The following WDR44 variants were observed in gnomAD, a reference collection of about 807,000 sequenced individuals.
The protein encoded by WDR44 is WD repeat-containing protein 44.
Under a neutral mutation model 65.7 loss-of-function variants are expected in WDR44, and 9 were observed. The ratio of observed to expected loss-of-function variants is 0.14; its 90% CI spans 0.08 to 0.24. The LOEUF (loss-of-function observed/expected upper bound fraction) is 0.24, where lower values mean the gene tolerates loss of function less well. Ranked by LOEUF, WDR44 falls within the 10% of genes least tolerant of loss-of-function variation. The probability of loss-of-function intolerance (pLI) is 1.00; values close to 1 mark genes in which losing one functional copy is unlikely to be tolerated. For missense variants in WDR44, 425 were observed against 670.9 expected (o/e 0.63, Z 4.05); for synonymous variants, 220 against 235.2 (o/e 0.94, Z 0.59).
chrX:118,391,161 A>T (rs1164966895), intron 3 of WDR44, among the ~76,000 whole-genome samples: 2 of 112,199 alleles, frequency 1.8e-5, no homozygotes, highest in African/African-American at 3.2e-5. Flanking sequence ...GGGTCACTTT[A>T]TCGAAGTCTT....
chrX:118,445,103 G>A, intron 19 of WDR44: 1 of 262,824 alleles, frequency 3.8e-6, no homozygotes, highest in South Asian at 3.7e-5. Context: ...AGACCATCCT[G>A]GCTAACACGG....
intron 19 of WDR44, chrX:118,445,112 G>A (rs955065438): frequency 3.2e-5 from 8 of 253,180 alleles, no homozygotes; most frequent in Non-Finnish European, 5.2e-5. Context: ...TGGCTAACAC[G>A]GTGAAACCCC....
chrX:118,349,981 G>A (rs2056390835), intron 1 of WDR44, among the ~76,000 whole-genome samples: 1 of 108,357 alleles, frequency 9.2e-6, no homozygotes, highest in Non-Finnish European at 1.9e-5. Context: ...TGTGGAGGGC[G>A]ATGAGAGCAG....
intron 12 of WDR44, among the ~76,000 whole-genome samples, chrX:118,428,965 C>T (rs774232946): frequency 5.4e-4 from 60 of 111,069 alleles, no homozygotes; most frequent in African/African-American, 1.8e-3. Context: ...GAAAACCAAA[C>T]ACCACATGTT....
At chrX:118,432,596 T>G (rs1280528929) in intron 12 of WDR44, among the ~76,000 whole-genome samples, 185 bp from the exon 13 acceptor site, 1 of 111,821 alleles carries the variant, frequency 8.9e-6, no homozygotes, top group African/African-American at 3.2e-5. Flanking sequence ...GACCCTGGTT[T>G]GTTAGGGCAA....
chrX:118,416,681 T>C (rs1177811483), intron 12 of WDR44, among the ~76,000 whole-genome samples: 1 of 111,964 alleles, frequency 8.9e-6, no homozygotes, highest in Non-Finnish European at 1.9e-5. Flanking sequence ...TGGAATGTTC[T>C]GTATATATAT....
At chrX:118,401,376 A>G (rs1244727088) in intron 8 of WDR44, among the ~76,000 whole-genome samples, 1 of 63,927 alleles carries the variant, frequency 1.6e-5, no homozygotes, top group Admixed American at 2.3e-4. Flanking sequence ...CTGGTGTGAG[A>G]TGATATCTCA....
chrX:118,409,471 C>T lies in WDR44; in HGVS notation c.1534-18C>T. The stretch of plus-strand genomic sequence containing the variant: ...AAGGTGTAAAGTATTAACTTTGAAA[C>T]TTCTTTTGTTTTCATAGGGAGCTGT... On this transcript the variant is annotated intron_variant, in intron 10 of 19. Transcript: ENST00000254029. The T allele has an allele frequency of 2.5e-6, 3 of 1,204,850 alleles. No homozygotes were observed. The highest frequency in any genetic ancestry group is 3.4e-6 in the Non-Finnish European group (3 of 892,927).
chrX:118,420,642 C>G (rs2057097128), intron 12 of WDR44, among the ~76,000 whole-genome samples: 1 of 111,869 alleles, frequency 8.9e-6, no homozygotes, highest in Non-Finnish European at 1.9e-5. Context: ...GACTCAGTTC[C>G]AATTCCCTAG....
At chrX:118,427,698 T>C (rs1398268296) in intron 12 of WDR44, among the ~76,000 whole-genome samples, 1 of 104,083 alleles carries the variant, frequency 9.6e-6, no homozygotes, top group Non-Finnish European at 2.0e-5. Context: ...TTTTTTTTTT[T>C]TCTTTTCGCT....
intron 14 of WDR44, among the ~76,000 whole-genome samples, chrX:118,438,066 A>G (rs1412597968): frequency 9.1e-6 from 1 of 110,362 alleles, no homozygotes; most frequent in Non-Finnish European, 1.9e-5. Context: ...CTTGGTTAAG[A>G]ATTTTGGTGG....
At chrX:118,378,523 T>C (rs902991464) in intron 2 of WDR44, 71 bp downstream of exon 2, 102 of 1,057,255 alleles carry the variant, frequency 9.6e-5, no homozygotes, top group Non-Finnish European at 1.3e-4. Context: ...TGTGTAATTC[T>C]TCATTTTCTT....
At chrX:118,392,391 G>T (rs762589241) in intron 3 of WDR44, among the ~76,000 whole-genome samples, 1 of 112,013 alleles carries the variant, frequency 8.9e-6, no homozygotes, top group Non-Finnish European at 1.9e-5. Flanking sequence ...AACTCCCTGG[G>T]TTTATACCTG....
intron 2 of WDR44, among the ~76,000 whole-genome samples, chrX:118,379,350 A>G (rs2056694128): frequency 9.0e-6 from 1 of 111,384 alleles, no homozygotes; most frequent in Non-Finnish European, 1.9e-5. Context: ...GTTTATACAC[A>G]TTGGATACCA....
chrX:118,376,304 A>C (rs1602887378), intron 1 of WDR44, among the ~76,000 whole-genome samples: 1 of 111,798 alleles, frequency 8.9e-6, no homozygotes, highest in East Asian at 2.8e-4. Context: ...TAACAAATTA[A>C]GTTTTTATTA....
intron 12 of WDR44, among the ~76,000 whole-genome samples, chrX:118,411,165 C>CTAT (rs971910872): frequency 2.7e-5 from 3 of 111,005 alleles, no homozygotes; most frequent in Non-Finnish European, 5.7e-5. Context: ...ACAGTGAATA[C>CTAT]TATTGCTCAG....
intron 12 of WDR44, among the ~76,000 whole-genome samples, chrX:118,423,884 T>C (rs775393951): frequency 1.8e-5 from 2 of 112,079 alleles, no homozygotes; most frequent in Non-Finnish European, 3.8e-5. Flanking sequence ...TTAATTTCAC[T>C]TAGCATAATG....
chrX:118,424,339 A>ATATATATATATGTATG (rs762485693), intron 12 of WDR44, among the ~76,000 whole-genome samples: 1 of 85,309 alleles, frequency 1.2e-5, no homozygotes, highest in Non-Finnish European at 2.0e-5. Flanking sequence ...ATATATATAT[A>ATATATATATATGTATG]TATATATATG....
At chrX:118,426,064 G>C (rs1265779283) in intron 12 of WDR44, among the ~76,000 whole-genome samples, 1 of 112,499 alleles carries the variant, frequency 8.9e-6, no homozygotes, top group Non-Finnish European at 1.9e-5. Flanking sequence ...AACAGAGCAA[G>C]ACTCCGTCTA....
Sources: allele counts gnomAD v4.1 joint callset (sites outside exome capture counted in the v4.1 genomes callset), GRCh38; gene constraint gnomAD v4.1.1; transcripts MANE v1.5; gene names NCBI Gene and HGNC (gene_info 2026-07-23, HGNC 2026-07-21).